The following USP37 variants were observed in gnomAD, a reference collection of about 807,000 sequenced individuals.
The protein encoded by USP37 is ubiquitin carboxyl-terminal hydrolase 37.
USP37 carries 27 observed loss-of-function variants against 124.0 expected under a neutral mutation model. That is an observed-to-expected ratio of 0.22 (90% CI 0.16 to 0.30). The LOEUF is 0.30. Ranked by LOEUF, USP37 falls within the 10% of genes least tolerant of loss-of-function variation. The pLI is 1.00. For synonymous variants in USP37, 365 were observed against 388.0 expected, an observed-to-expected ratio of 0.94 and a Z score of 0.70; for missense variants, 889 against 1,140.4, an observed-to-expected ratio of 0.78 and a Z score of 3.17.
At chr2:218,474,542 C>A in intron 20 of USP37, 88 bp downstream of exon 20, 1 of 1,533,654 alleles carries the variant, frequency 6.5e-7, no homozygotes. Context: ...TTCTATTTAT[C>A]TCCCGTTATT....
chr2:218,558,588 C>A lies in USP37; in HGVS notation c.66G>T (p.Trp22Cys). The A allele has an allele frequency of 6.2e-7, 1 of 1,613,486 alleles. No homozygotes were observed. Among genetic ancestry groups the A allele is most frequent in the Non-Finnish European group, 8.5e-7 (1 of 1,179,762 alleles). Residue 22 changes from tryptophan to cysteine, a missense_variant, in exon 4 of 26, where the codon TGG (tryptophan) becomes TGT (cysteine). Trp to Cys is a radical substitution (Grantham distance 215). Coordinates refer to ENST00000258399, the MANE Select transcript of USP37 (RefSeq NM_020935.3). ...IRSMQTGITK[W>C]KEGSFEIVEK... is the part of the protein sequence containing the mutation. ...CTACAATTTCAAAGGATCCTTCTTT[C>A]CACTTTGTAATCCCAGTCTGCATAC...
intron 22 of USP37, among the ~76,000 whole-genome samples, chr2:218,462,221 G>C (rs1286130176): frequency 6.6e-6 from 1 of 152,022 alleles, no homozygotes; most frequent in Non-Finnish European, 1.5e-5. Context: ...TATAGTCCCA[G>C]CTACTCAGGA....
intron 4 of USP37, among the ~76,000 whole-genome samples, chr2:218,555,312 T>A (rs1021144037): frequency 1.3e-5 from 2 of 151,606 alleles, no homozygotes; most frequent in South Asian, 4.2e-4. Flanking sequence ...CTAGAGAAAA[T>A]TGACTTTTGT....
intron 8 of USP37, among the ~76,000 whole-genome samples, chr2:218,536,603 G>C (rs978338988): frequency 1.3e-5 from 2 of 152,216 alleles, no homozygotes; most frequent in Admixed American, 6.5e-5. Context: ...GTCCTTGTGT[G>C]ACTTCTCCAG....
chr2:218,516,916 T>C (rs998962683), intron 10 of USP37, among the ~76,000 whole-genome samples: 3 of 152,228 alleles, frequency 2.0e-5, no homozygotes, highest in African/African-American at 4.8e-5. Flanking sequence ...ACATCTCTGA[T>C]TCTAACTGAA....
intron 11 of USP37, among the ~76,000 whole-genome samples, chr2:218,502,136 T>A: frequency 6.6e-6 from 1 of 150,928 alleles, no homozygotes; most frequent in African/African-American, 2.4e-5. Flanking sequence ...AAAACAGAAA[T>A]GAAAAAGAAG....
chr2:218,470,901 C>T (rs1292736545), intron 20 of USP37, among the ~76,000 whole-genome samples: 2 of 152,128 alleles, frequency 1.3e-5, no homozygotes, highest in Non-Finnish European at 2.9e-5. Flanking sequence ...TGGTGCCTGC[C>T]CTCAAGGACC....
intron 10 of USP37, among the ~76,000 whole-genome samples, chr2:218,529,087 G>A (rs1691151291): frequency 6.6e-6 from 1 of 152,152 alleles, no homozygotes; most frequent in South Asian, 2.1e-4. Context: ...AATATTGTCT[G>A]TCGCAATCTA....
At chr2:218,534,841 T>C (rs562283288) in intron 8 of USP37, 135 bp from the exon 9 acceptor site, 9 of 461,604 alleles carry the variant, frequency 1.9e-5, no homozygotes, top group Admixed American at 1.7e-4. Flanking sequence ...AGCTACAAGA[T>C]TGTTAGTCTC....
chr2:218,468,740 C>G (rs1690507646), intron 20 of USP37, among the ~76,000 whole-genome samples: 1 of 152,140 alleles, frequency 6.6e-6, no homozygotes, highest in Non-Finnish European at 1.5e-5. Flanking sequence ...GTTGGCCAGG[C>G]TGGAGTACAG....
intron 21 of USP37, among the ~76,000 whole-genome samples, chr2:218,463,961 T>A (rs1411967661): frequency 2.0e-5 from 3 of 150,786 alleles, no homozygotes; most frequent in Admixed American, 6.6e-5. Context: ...GTTCAAGCGA[T>A]TCTCCTGTCT....
rs181688260 is a variant in USP37, at chr2:218,567,982, A to G, written c.-230+196T>C. 3.1e-4 allele frequency among the ~76,000 whole-genome samples: 47 copies of G among 152,310 alleles called. 1 individual carries two copies. In the East Asian group the frequency reaches 8.9e-3, roughly 29 times the overall value. On this transcript the variant is annotated intron_variant, in intron 1 of 25. Transcript: ENST00000258399. ...AGCGAGTGGCAGTGGAGACCAAGTC[A>G]AAGGAGAGGTGGAAGCCGGGGCAGT...
chr2:218,470,398 C>T (rs1195933146), intron 20 of USP37, among the ~76,000 whole-genome samples: 1 of 152,088 alleles, frequency 6.6e-6, no homozygotes, highest in Non-Finnish European at 1.5e-5. Flanking sequence ...GTTTGGACTA[C>T]TGCAATAATT....
At chr2:218,461,124 A>T (rs992366521) in intron 22 of USP37, among the ~76,000 whole-genome samples, 5 of 152,206 alleles carry the variant, frequency 3.3e-5, no homozygotes, top group Non-Finnish European at 5.9e-5. Flanking sequence ...AAAGAATCCC[A>T]GGAGCATTTG....
intron 17 of USP37, among the ~76,000 whole-genome samples, chr2:218,481,734 C>A (rs1691283979): frequency 6.7e-6 from 1 of 148,574 alleles, no homozygotes; most frequent in Admixed American, 6.8e-5. Context: ...CCATTCACTG[C>A]AGCCTTCATC....
chr2:218,562,184 G>A lies in USP37; in HGVS notation c.-89+489C>T, dbSNP rs1002396230. On this transcript the variant is annotated intron_variant, in intron 2 of 25. Coordinates refer to ENST00000258399, the MANE Select transcript of USP37 (RefSeq NM_020935.3). ...CTCATTCATTATATTATCAGGGCTTGCTCTACTTGGTTAAGAGTAAAAAAC... is the reference window on the plus strand; with the variant it reads ...CTCATTCATTATATTATCAGGGCTTACTCTACTTGGTTAAGAGTAAAAAAC... Among the ~76,000 whole-genome samples the A allele has an allele frequency of 3.3e-5, 5 of 152,212 alleles. No homozygotes were observed. The East Asian group carries it at 9.6e-4, about 29-fold the overall frequency.
intron 18 of USP37, 61 bp from the exon 19 acceptor site, chr2:218,477,042 G>A: frequency 2.8e-6 from 4 of 1,406,634 alleles, no homozygotes; most frequent in South Asian, 1.7e-5. Flanking sequence ...TTCTTTTATT[G>A]TAAAAATATC....
chr2:218,467,426 G>A (rs1323197916), intron 20 of USP37, among the ~76,000 whole-genome samples: 1 of 152,012 alleles, frequency 6.6e-6, no homozygotes, highest in African/African-American at 2.4e-5. Context: ...TCGGCTCACT[G>A]CAACCTTTGC....
intron 14 of USP37, among the ~76,000 whole-genome samples, chr2:218,492,217 T>C (rs1688820382): frequency 6.6e-6 from 1 of 151,622 alleles, no homozygotes; most frequent in Non-Finnish European, 1.5e-5. Flanking sequence ...AAATCAGCAA[T>C]TAAATAAAAA....
Sources: allele counts gnomAD v4.1 joint callset (sites outside exome capture counted in the v4.1 genomes callset), GRCh38; gene constraint gnomAD v4.1.1; transcripts MANE v1.5; gene names NCBI Gene and HGNC (gene_info 2026-07-23, HGNC 2026-07-21).